SHROOM4: variants seen among roughly 807,000 people sequenced by gnomAD.
SHROOM4 encodes the protein shroom family member 4.
In SHROOM4, 17 loss-of-function variants were observed where a neutral mutation model predicts 80.3. The ratio of observed to expected loss-of-function variants is 0.21; its 90% CI spans 0.14 to 0.32. SHROOM4 has a LOEUF of 0.32. SHROOM4 is among the 10% of genes least tolerant of loss of function. The pLI is 1.00. For synonymous variants in SHROOM4, 400 were observed against 437.5 expected (o/e 0.91, Z 1.07); for missense variants, 993 against 1,140.3 (o/e 0.87, Z 1.86).
chrX:50,675,672 G>A (rs1282875266), intron 2 of SHROOM4, among the ~76,000 whole-genome samples: 1 of 111,007 alleles, frequency 9.0e-6, no homozygotes, highest in East Asian at 2.8e-4. Flanking sequence ...AATGTGTGAG[G>A]CATCAGTATT....
intron 1 of SHROOM4, among the ~76,000 whole-genome samples, chrX:50,722,417 A>T (rs1383480550): frequency 9.0e-6 from 1 of 110,763 alleles, no homozygotes; most frequent in African/African-American, 3.3e-5. Context: ...GTTTGCATTT[A>T]GCACTCAGTA....
rs1928834775 is a variant in SHROOM4, at chrX:50,590,003, T to C, written c.*6692A>G. 8.9e-6 allele frequency among the ~76,000 whole-genome samples: 1 copy of C among 111,894 alleles called. No homozygotes were observed. Among genetic ancestry groups the C allele is most frequent in the Non-Finnish European group, 1.9e-5 (1 of 53,228 alleles). ...TATGAAGTGGTATCTCATTGTGGTCTTGATTTGCATTTCCCTAATGAATAG... is the reference window on the plus strand; with the variant it reads ...TATGAAGTGGTATCTCATTGTGGTCCTGATTTGCATTTCCCTAATGAATAG... On this transcript the variant is annotated 3_prime_UTR_variant, in exon 9 of 9. Coordinates refer to ENST00000376020, the MANE Select transcript of SHROOM4 (RefSeq NM_020717.5).
At chrX:50,755,473 A>G (rs1444684780) in intron 1 of SHROOM4, among the ~76,000 whole-genome samples, 11 of 111,794 alleles carry the variant, frequency 9.8e-5, no homozygotes, top group African/African-American at 3.6e-4. Flanking sequence ...CCTTCTCTAC[A>G]GAATCTTTCA....
In SHROOM4 at chrX:50,596,825, T is replaced by C. The variant is rs781914997; in HGVS notation, c.4352A>G (p.Tyr1451Cys). 33 of 1,209,757 alleles carry C rather than the reference T, an allele frequency of 2.7e-5. No individual in the cohort carries two copies. The highest frequency in any genetic ancestry group is 3.6e-5 in the Non-Finnish European group (32 of 894,795). ...AGATTTCATCTTGACAAAGTGCTGG[T>C]AATCTTGGAGCTGGTCCTGAGGCAG... ...RYLPQDQLQD[Y>C]QHFVKMKSAL... The change falls in exon 9 of 9, where the codon TAC becomes TGC. Residue 1451 changes from tyrosine to cysteine, a missense_variant. Transcript: ENST00000376020.
chrX:50,745,588 C>T (rs1557267551), intron 1 of SHROOM4, among the ~76,000 whole-genome samples: 2 of 111,621 alleles, frequency 1.8e-5, no homozygotes, highest in Admixed American at 9.6e-5. Flanking sequence ...GGAATGGGAA[C>T]CCCCAATCTT....
In SHROOM4 at chrX:50,587,609, T is replaced by A. The variant is rs902503672; in HGVS notation, c.*9086A>T. ...AAGTGATTGTGTGTATATTTCTGTA[T>A]ATAAAGTATTATGTAATTGTATATT... On this transcript the variant is annotated 3_prime_UTR_variant, in exon 9 of 9. Coordinates refer to ENST00000376020, the MANE Select transcript of SHROOM4 (RefSeq NM_020717.5). Among the ~76,000 whole-genome samples the A allele has an allele frequency of 8.9e-6, 1 of 112,367 alleles. No individual in the cohort carries two copies. The highest frequency in any genetic ancestry group is 1.9e-5 in the Non-Finnish European group (1 of 53,230).
intron 1 of SHROOM4, among the ~76,000 whole-genome samples, chrX:50,813,158 A>G (rs369971857): frequency 4.6e-5 from 3 of 65,816 alleles, no homozygotes; most frequent in African/African-American, 9.9e-5. Flanking sequence ...CGGCGGCGGC[A>G]GTGGCGGCGG....
chrX:50,787,431 C>A (rs1557271164), intron 1 of SHROOM4, among the ~76,000 whole-genome samples: 1 of 110,468 alleles, frequency 9.1e-6, no homozygotes, highest in African/African-American at 3.3e-5. Context: ...ATCAAGTAGA[C>A]CAATATATGC....
At chrX:50,765,244 G>A (rs782368566) in intron 1 of SHROOM4, among the ~76,000 whole-genome samples, 15 of 111,988 alleles carry the variant, frequency 1.3e-4, no homozygotes, top group African/African-American at 4.2e-4. Context: ...TAGGCTTTAT[G>A]TATATAGACC....
At chrX:50,620,143 T>A (rs1930515124) in intron 5 of SHROOM4, among the ~76,000 whole-genome samples, 1 of 111,929 alleles carries the variant, frequency 8.9e-6, no homozygotes, top group Non-Finnish European at 1.9e-5. Context: ...ATTCAGATTT[T>A]CTTTTTAATT....
chrX:50,651,681 C>T (rs1219909934), intron 2 of SHROOM4, among the ~76,000 whole-genome samples: 1 of 111,496 alleles, frequency 9.0e-6, no homozygotes, highest in Admixed American at 9.5e-5. Flanking sequence ...TTGATGCACC[C>T]ATCAACCCAT....
At chrX:50,666,817 G>A (rs73483707) in intron 2 of SHROOM4, among the ~76,000 whole-genome samples, 2,354 of 109,749 alleles carry the variant, frequency 0.021, 58 homozygotes, top group African/African-American at 0.074. Flanking sequence ...TTTTATGACT[G>A]AGAGAAGGGC....
At chrX:50,668,404 T>C (rs782012712) in intron 2 of SHROOM4, among the ~76,000 whole-genome samples, 3 of 111,249 alleles carry the variant, frequency 2.7e-5, no homozygotes, top group Non-Finnish European at 5.7e-5. Flanking sequence ...CAGGTGTCAA[T>C]AGAGGCCAAG....
At chrX:50,712,006 G>A (rs1933829683) in intron 1 of SHROOM4, among the ~76,000 whole-genome samples, 1 of 112,175 alleles carries the variant, frequency 8.9e-6, no homozygotes, top group South Asian at 3.7e-4. Flanking sequence ...TTAATGGTGA[G>A]AATAATAACA....
Position 50,633,935 on chromosome X carries a change from T to C in SHROOM4, c.2138A>G (p.Glu713Gly), listed in dbSNP as rs782748002. The change falls in exon 4 of 9, where the codon GAG becomes GGG. Residue 713 changes from glutamate (E) to glycine (G), a missense_variant. Coordinates refer to ENST00000376020, the MANE Select transcript of SHROOM4 (RefSeq NM_020717.5). ...KAPDPSSSDPEKAHAHCGVRG... is the reference protein window; with the variant it reads ...KAPDPSSSDPGKAHAHCGVRG... ...GACTCCACAGTGAGCATGTGCTTTC[T>C]CAGGGTCTGAGGAGGATGGGTCAGG... 1.7e-6 allele frequency: 2 copies of C among 1,211,802 alleles called. No homozygotes were observed. The highest frequency in any genetic ancestry group is 2.2e-6 in the Non-Finnish European group (2 of 895,524).
chrX:50,720,918 T>C (rs1286283133), intron 1 of SHROOM4, among the ~76,000 whole-genome samples: 4 of 111,863 alleles, frequency 3.6e-5, no homozygotes, highest in Non-Finnish European at 7.5e-5. Flanking sequence ...GGACAGGTGA[T>C]AGAATATGAA....
chrX:50,729,553 A>T (rs797025278), intron 1 of SHROOM4, among the ~76,000 whole-genome samples: 2 of 111,715 alleles, frequency 1.8e-5, no homozygotes, highest in South Asian at 7.5e-4. Flanking sequence ...TAAGGAGAGG[A>T]AATAAAGAGA....
chrX:50,669,856 A>G (rs1234788180), intron 2 of SHROOM4, among the ~76,000 whole-genome samples: 1 of 111,581 alleles, frequency 9.0e-6, no homozygotes, highest in African/African-American at 3.3e-5. Context: ...TACTCTTGCT[A>G]TTCCTACCAC....
intron 1 of SHROOM4, among the ~76,000 whole-genome samples, chrX:50,761,720 G>A (rs1191979141): frequency 9.0e-6 from 1 of 110,775 alleles, no homozygotes; most frequent in African/African-American, 3.3e-5. Flanking sequence ...GCACCACCAC[G>A]CCTGGCTTTT....
Sources: gnomAD v4.1 joint callset for allele counts (sites outside exome capture counted in the v4.1 genomes callset) on GRCh38, gnomAD v4.1.1 for gene constraint, MANE v1.5 for transcripts, NCBI Gene and HGNC (gene_info 2026-07-23, HGNC 2026-07-21) for gene names.